Variants in SLC22A6 observed in about 807,000 individuals in gnomAD.
The protein encoded by SLC22A6 is solute carrier family 22 member 6.
Under a neutral mutation model 56.7 loss-of-function variants are expected in SLC22A6, and 45 were observed. The ratio of observed to expected loss-of-function variants is 0.79; its 90% CI spans 0.63 to 1.02. SLC22A6 has a LOEUF of 1.02. SLC22A6 is among the 50% of genes least tolerant of loss of function. SLC22A6 has a pLI of 0.00. For synonymous variants in SLC22A6, 291 were observed against 295.9 expected, an observed-to-expected ratio of 0.98 and a Z score of 0.17; for missense variants, 606 against 713.8, an observed-to-expected ratio of 0.85 and a Z score of 1.72.
intron 3 of SLC22A6, among the ~76,000 whole-genome samples, chr11:62,982,239 T>C (rs1326450091): frequency 6.6e-6 from 1 of 152,130 alleles, no homozygotes; most frequent in Non-Finnish European, 1.5e-5. Context: ...TTTTTTTTTT[T>C]TTCTGCTCCT....
chr11:62,981,438 G>A (rs2086254594), intron 4 of SLC22A6, 55 bp from the exon 5 acceptor site: 2 of 940,850 alleles, frequency 2.1e-6, no homozygotes, highest in Non-Finnish European at 3.1e-6. Context: ...AGTCAGCTGG[G>A]TGGGGGGCTG....
Position 62,984,639 on chromosome 11 carries a change from G to T in SLC22A6, c.52C>A (p.Gln18Lys), listed in dbSNP as rs1447286981. 1.2e-6 allele frequency: 2 copies of T among 1,613,656 alleles called. No individual in the cohort carries two copies. Among genetic ancestry groups the T allele is most frequent in the African/African-American group, 1.3e-5 (1 of 74,922 alleles). ...QQVGGVGRFQ[Q>K]IQVTLVVLPL... ...AGGACCACCAGGGTGACCTGGATCT[G>T]CTGGAAGCGGCCGACACCCCCCACC... The change falls in exon 1 of 10, where the codon CAG (glutamine) becomes AAG (lysine). Residue 18 changes from glutamine to lysine, a missense_variant. By Grantham distance (53) the Gln-to-Lys change is moderately conservative. Transcript: ENST00000360421.
chr11:62,976,973 T>C, intron 9 of SLC22A6, 92 bp from the exon 10 acceptor site: 4 of 1,516,550 alleles, frequency 2.6e-6, no homozygotes, highest in Non-Finnish European at 3.6e-6. Flanking sequence ...CGCTCAGCTA[T>C]GCCTGGACAC....
At position 62,984,207 on chromosome 11, in the gene SLC22A6, A is replaced by G. The variant is rs1021409793; in HGVS notation, c.369+115T>C. 4.1e-5 allele frequency: 57 copies of G among 1,375,260 alleles called. 1 individual carries two copies. The highest frequency in any genetic ancestry group is 5.4e-5 in the Non-Finnish European group (55 of 1,016,288). The allele number at this position is 1,375,260 out of a possible 1,614,324, so 85.2% of individuals were successfully genotyped here. On this transcript the variant is annotated intron_variant, in intron 1 of 9. Coordinates refer to ENST00000360421, the MANE Select transcript of SLC22A6 (RefSeq NM_153276.3). ...GACAGCTGAGAGCATTTTTCTTTTT[A>G]ACTCAGCAGTTAAAAAACTCAGCAG...
intron 5 of SLC22A6, 74 bp downstream of exon 5, chr11:62,981,179 TCCCTGGG>T: frequency 6.2e-7 from 1 of 1,603,520 alleles, no homozygotes; most frequent in South Asian, 1.1e-5. Context: ...TTAGAGGAGT[TCCCTGGG>T]CCCTGGGTCC....
chr11:62,984,062 G>A lies in SLC22A6; in HGVS notation c.370-15C>T, dbSNP rs2086287897. On this transcript the variant is annotated splice_polypyrimidine_tract_variant and intron_variant, in intron 1 of 9. Coordinates refer to ENST00000360421, the MANE Select transcript of SLC22A6 (RefSeq NM_153276.3). ...ACAAGGTCCCACTGTGGGGAGAGGA[G>A]CAAGGGTCAGGCAGAGATGAGCCTG... The A allele has an allele frequency of 6.4e-7, 1 of 1,570,292 alleles. No homozygotes were observed. Among genetic ancestry groups the A allele is most frequent in the South Asian group, 1.1e-5 (1 of 88,854 alleles).
rs1202321551 is a variant in SLC22A6, at chr11:62,984,492, G to A, written c.199C>T (p.Leu67=). Residue 67 remains leucine, a synonymous_variant, in exon 1 of 10, where the codon CTG becomes TTG. Coordinates refer to ENST00000360421, the MANE Select transcript of SLC22A6 (RefSeq NM_153276.3). ...GGCTGCCCCTGCCTGTCCCGGGGCA[G>A]CCAGACCTCCAGCCCCCCGTTCTTG... ...LSKNGGLEVW[L]PRDRQGQPES... is the part of the protein sequence containing the mutation. 6.2e-7 allele frequency: 1 copy of A among 1,613,828 alleles called. No homozygotes were observed. Among genetic ancestry groups the A allele is most frequent in the Admixed American group, 1.7e-5 (1 of 60,012 alleles).
In SLC22A6 at chr11:62,984,556, A is replaced by C; in HGVS notation, c.135T>G (p.Pro45=). Residue 45 remains proline, a synonymous_variant, in exon 1 of 10, where the codon CCT becomes CCG. Coordinates refer to ENST00000360421, the MANE Select transcript of SLC22A6 (RefSeq NM_153276.3). ...NTLQNFTAAI[P]THHCRPPADA... ...CGGCAGGCGGGCGGCAGTGGTGGGT[A>C]GGGATGGCAGCAGTGAAGTTCTGCA... 1 of 1,613,558 alleles carries C rather than the reference A, an allele frequency of 6.2e-7. No individual in the cohort carries two copies. Among genetic ancestry groups the C allele is most frequent in the Non-Finnish European group, 8.5e-7 (1 of 1,179,800 alleles).
intron 6 of SLC22A6, among the ~76,000 whole-genome samples, 165 bp from the exon 7 acceptor site, chr11:62,980,113 G>A (rs2086236804): frequency 6.6e-6 from 1 of 152,202 alleles, no homozygotes; most frequent in South Asian, 2.1e-4. Flanking sequence ...CAGAGTTTAA[G>A]TATTGAGGTA....
chr11:62,979,181 G>A (rs973440145), intron 8 of SLC22A6, among the ~76,000 whole-genome samples: 1 of 152,166 alleles, frequency 6.6e-6, no homozygotes, highest in African/African-American at 2.4e-5. Flanking sequence ...TTTGTGTTTT[G>A]GAGATTAAAG....
At position 62,981,035 on chromosome 11, in the gene SLC22A6, C is replaced by T. The variant is rs1312150354; in HGVS notation, c.987G>A (p.Leu329=). 1.2e-5 allele frequency: 20 copies of T among 1,611,998 alleles called. No individual in the cohort carries two copies. The highest frequency in any genetic ancestry group is 1.7e-5 in the Non-Finnish European group (20 of 1,178,406). Residue 329 remains leucine, a synonymous_variant, in exon 6 of 10, where the codon CTG becomes CTA. Coordinates refer to ENST00000360421, the MANE Select transcript of SLC22A6 (RefSeq NM_153276.3). ...GGTGGCGGAGGGTGGGGCAGCGCAGCAGCTCCATGGCCGATGCCTGGCCTT... is the reference window on the plus strand; with the variant it reads ...GGTGGCGGAGGGTGGGGCAGCGCAGTAGCTCCATGGCCGATGCCTGGCCTT... ...MGKGQASAME[L]LRCPTLRHLF...
Position 62,976,865 on chromosome 11 carries a change from G to A in SLC22A6, c.1582C>T (p.Arg528Ter), listed in dbSNP as rs567978587. 40 of 1,613,874 alleles carry A rather than the reference G, an allele frequency of 2.5e-5. No individual in the cohort carries two copies. Among genetic ancestry groups the A allele is most frequent in the Admixed American group, 1.7e-4 (10 of 59,992 alleles). Residue 528 changes from arginine (R) to a stop codon, truncating the protein, a stop_gained, in exon 10 of 10, where the codon CGA (arginine) becomes TGA (stop). Coordinates refer to ENST00000360421, the MANE Select transcript of SLC22A6 (RefSeq NM_153276.3). LOFTEE classifies it high-confidence loss of function. ...TACTTCTGGTGCTCTTGTTGCTGTCGCGTCTGTTTCCCTTTCCTGCAGGGC... is the reference window on the plus strand; with the variant it reads ...TACTTCTGGTGCTCTTGTTGCTGTCACGTCTGTTTCCCTTTCCTGCAGGGC... ...DLESRKGKQT[R>*]QQQEHQKYMV...
chr11:62,981,877 G>A lies in SLC22A6; in HGVS notation c.762C>T (p.Val254=). 1.9e-6 allele frequency: 3 copies of A among 1,613,634 alleles called. No individual in the cohort carries two copies. The highest frequency in any genetic ancestry group is 1.7e-6 in the Non-Finnish European group (2 of 1,179,814). The change falls in exon 4 of 10, where the codon GTC becomes GTT. Residue 254 remains valine (V), a synonymous_variant. Transcript: ENST00000360421. ...VPHWRHLQLL[V]SAPFFAFFIY... is the part of the protein sequence containing the mutation. ...TGAAGAAGGCAAAAAAAGGCGCAGA[G>A]ACCAGTAGCTGCAGGTGGCGCCAGT...
rs1275810997 is a variant in SLC22A6, at chr11:62,983,084, G to GACC, written c.628+452_628+453insGGT. 9.6e-5 allele frequency among the ~76,000 whole-genome samples: 14 copies of GACC among 146,294 alleles called. No homozygotes were observed. The South Asian group carries it at 2.8e-3, about 29-fold the overall frequency. On this transcript the variant is annotated intron_variant, in intron 3 of 9. Coordinates refer to ENST00000360421, the MANE Select transcript of SLC22A6 (RefSeq NM_153276.3). This position sits in a 1 kb window ranked among gnomAD's most constrained non-coding sequence, Gnocchi z 4.5. ...TTTTGAGACAGAGTCTCGCTCTATT[G>GACC]CCCAGGCTGGAGTGCAGTGGCGCAA...
intron 1 of SLC22A6, 100 bp downstream of exon 1, chr11:62,984,206 TAACTCAGCAGTTAAAA>T: frequency 1.4e-6 from 2 of 1,381,222 alleles, no homozygotes; most frequent in Non-Finnish European, 2.0e-6. Context: ...TTTTTCTTTT[TAACTCAGCAGTTAAAA>T]AACTCAGCAG....
Position 62,981,053 on chromosome 11 carries a change from C to G in SLC22A6, c.969G>C (p.Gln323His), listed in dbSNP as rs1236630807. 2 of 1,612,600 alleles carry G rather than the reference C, an allele frequency of 1.2e-6. No individual in the cohort carries two copies. The highest frequency in any genetic ancestry group is 2.7e-5 in the African/African-American group (2 of 74,922). Residue 323 changes from glutamine (Q) to histidine (H), a missense_variant, in exon 6 of 10, where the codon CAG becomes CAC. Gln to His is a conservative substitution (Grantham distance 24). Coordinates refer to ENST00000360421, the MANE Select transcript of SLC22A6 (RefSeq NM_153276.3). ...AGCGCAGCAGCTCCATGGCCGATGC[C>G]TGGCCTTTGCCCATGGTCAGCTCCT... ...LQKELTMGKG[Q>H]ASAMELLRCP...
At chr11:62,980,686 C>G (rs2086242605) in intron 6 of SLC22A6, among the ~76,000 whole-genome samples, 1 of 152,256 alleles carries the variant, frequency 6.6e-6, no homozygotes, top group Non-Finnish European at 1.5e-5. Context: ...AGACTGGTCT[C>G]TGCCTTCATG....
chr11:62,979,810 C>T lies in SLC22A6; in HGVS notation c.1176G>A (p.Leu392=). 1 of 1,614,164 alleles carries T rather than the reference C, an allele frequency of 6.2e-7. No homozygotes were observed. The highest frequency in any genetic ancestry group is 8.5e-7 in the Non-Finnish European group (1 of 1,180,026). The change falls in exon 7 of 10, where the codon CTG becomes CTA. Residue 392 remains leucine, a synonymous_variant. Transcript: ENST00000360421. ...KLVGFLVINS[L]GRRPAQMAAL... ...CAGCCATCTGGGCAGGCCGGCGACCCAGGGAGTTGATGACAAGGAAGCCCA... is the reference window on the plus strand; with the variant it reads ...CAGCCATCTGGGCAGGCCGGCGACCTAGGGAGTTGATGACAAGGAAGCCCA...
chr11:62,980,321 C>T (rs1212480495), intron 6 of SLC22A6, among the ~76,000 whole-genome samples: 1 of 152,198 alleles, frequency 6.6e-6, no homozygotes, highest in African/African-American at 2.4e-5. Context: ...AGAGAGCCTT[C>T]TGGGACCTGT....
Sources: allele counts gnomAD v4.1 joint callset (sites outside exome capture counted in the v4.1 genomes callset), GRCh38; gene constraint gnomAD v4.1.1; non-coding constraint Gnocchi (gnomAD v3.1); transcripts MANE v1.5; gene names NCBI Gene and HGNC (gene_info 2026-07-23, HGNC 2026-07-21).